The following PIGN variants were observed in gnomAD, a reference collection of about 807,000 sequenced individuals.
The protein encoded by PIGN is phosphatidylinositol glycan anchor biosynthesis class N, also known as GPI ethanolamine phosphate transferase 1.
In PIGN, 117 loss-of-function variants were observed where a neutral mutation model predicts 125.4. That is an observed-to-expected ratio of 0.93 (90% CI 0.80 to 1.09). The LOEUF is 1.09. Ranked by LOEUF, PIGN falls within the 50% of genes least tolerant of loss-of-function variation. The pLI, the probability that PIGN is intolerant of heterozygous loss-of-function variation, is 0.00. For synonymous variants in PIGN, 392 were observed against 377.8 expected (o/e 1.04, Z -0.44); for missense variants, 1,075 against 1,094.9 (o/e 0.98, Z 0.26).
At chr18:62,037,773 A>G (rs952077799), downstream of PIGN, among the ~76,000 whole-genome samples, 2 of 152,116 alleles carry the variant, frequency 1.3e-5, no homozygotes, top group Non-Finnish European at 2.9e-5. Flanking sequence ...GAAAAACCAA[A>G]CTTGAGTAGA....
chr18:62,082,609 G>A (rs962406751), intron 28 of PIGN, 64 bp downstream of exon 28: 12 of 847,268 alleles, frequency 1.4e-5, no homozygotes, highest in Admixed American at 6.6e-5. Context: ...AAATGTCTTC[G>A]AAAGTTTACT....
intron 14 of PIGN, among the ~76,000 whole-genome samples, chr18:62,130,817 G>A (rs751841236): frequency 8.6e-5 from 13 of 151,936 alleles, no homozygotes; most frequent in Non-Finnish European, 1.9e-4. Context: ...TTCCTTTTTA[G>A]AATGTCTATT....
chr18:62,052,155 G>T (rs1323888350), intron 30 of PIGN: 2 of 151,786 alleles, frequency 1.3e-5, no homozygotes, highest in African/African-American at 2.4e-5. Flanking sequence ...GTGTGGTGTG[G>T]TGCTGAAAAA....
intron 22 of PIGN, among the ~76,000 whole-genome samples, chr18:62,100,214 A>T (rs995849572): frequency 6.6e-6 from 1 of 152,218 alleles, no homozygotes; most frequent in Non-Finnish European, 1.5e-5. Context: ...TATATGAAGA[A>T]ATATTCACTA....
chr18:62,048,766 T>C (rs1334254612), intron 30 of PIGN, among the ~76,000 whole-genome samples: 3 of 150,924 alleles, frequency 2.0e-5, no homozygotes, highest in Non-Finnish European at 4.4e-5. Flanking sequence ...GTTAGTTACA[T>C]ATGTATACAT....
At chr18:62,174,659 G>A (rs2037457558) in intron 1 of PIGN, among the ~76,000 whole-genome samples, 1 of 151,986 alleles carries the variant, frequency 6.6e-6, no homozygotes, top group African/African-American at 2.4e-5. Context: ...TCCAATAGAA[G>A]CTTATATTAT....
Position 62,088,750 on chromosome 18 carries a change from G to C in PIGN, c.2370+6C>G. The C allele has an allele frequency of 6.6e-7, 1 of 1,516,884 alleles. No homozygotes were observed. Among genetic ancestry groups the C allele is most frequent in the Non-Finnish European group, 9.0e-7 (1 of 1,111,490 alleles). The allele number at this position is 1,516,884 out of a possible 1,614,324, so 94.0% of individuals were successfully genotyped here. A position where few individuals can be genotyped will look rare whatever the true frequency, so the allele number is the denominator to read the frequency against. The stretch of plus-strand genomic sequence containing the variant: ...CTCTTTAAACCAAAGTCTCCACAAA[G>C]GATACAAGGAAAAAGGCCCTACGGA... On this transcript the variant is annotated splice_donor_region_variant and intron_variant, in intron 25 of 30. Transcript: ENST00000640252.
intron 1 of PIGN, among the ~76,000 whole-genome samples, chr18:62,166,140 C>T (rs2037126268): frequency 3.9e-5 from 6 of 152,158 alleles, no homozygotes; most frequent in Admixed American, 3.9e-4. Flanking sequence ...ATGGAGAGCA[C>T]AAGTGGAGGA....
chr18:62,103,384 C>T (rs2146359833), intron 20 of PIGN, among the ~76,000 whole-genome samples: 1 of 152,214 alleles, frequency 6.6e-6, no homozygotes, highest in East Asian at 1.9e-4. Context: ...AAAACAGCTC[C>T]CTTCTGTGAC....
At chr18:62,024,318 T>C (rs1023437559) in intron 23 of PIGN, among the ~76,000 whole-genome samples, 4 of 152,150 alleles carry the variant, frequency 2.6e-5, no homozygotes, top group East Asian at 1.9e-4. Flanking sequence ...TCAGTTTCCA[T>C]AGCTGCTGGG....
intron 10 of PIGN, among the ~76,000 whole-genome samples, chr18:62,145,405 A>G (rs1464725951): frequency 6.6e-6 from 1 of 152,158 alleles, no homozygotes; most frequent in African/African-American, 2.4e-5. Flanking sequence ...TGTTGAGTGC[A>G]TTATTCACTG....
At chr18:62,029,608 T>A (rs1050182223) in intron 23 of PIGN, among the ~76,000 whole-genome samples, 2 of 152,118 alleles carry the variant, frequency 1.3e-5, no homozygotes, top group Non-Finnish European at 2.9e-5. Flanking sequence ...TGCTCCAGGA[T>A]ATATTCAGGA....
chr18:62,125,165 CATAT>C (rs2035479412), intron 14 of PIGN, among the ~76,000 whole-genome samples: 1 of 118,200 alleles, frequency 8.5e-6, no homozygotes, highest in Admixed American at 7.9e-5. Flanking sequence ...CATGTTTGTA[CATAT>C]GTGTATATAA....
intron 23 of PIGN, among the ~76,000 whole-genome samples, chr18:62,033,640 C>T (rs146923313): frequency 6.8e-4 from 104 of 152,160 alleles, no homozygotes; most frequent in African/African-American, 2.3e-3. Flanking sequence ...CCCTCAAGCC[C>T]CTTCTCAATT....
chr18:62,127,937 A>G (rs1379233008), intron 14 of PIGN, among the ~76,000 whole-genome samples: 1 of 152,160 alleles, frequency 6.6e-6, no homozygotes, highest in Non-Finnish European at 1.5e-5. Flanking sequence ...TTAAAAATAC[A>G]TGGTGCTATT....
chr18:62,135,296 CA>C (rs1441298687), intron 14 of PIGN, among the ~76,000 whole-genome samples: 1 of 152,036 alleles, frequency 6.6e-6, no homozygotes, highest in East Asian at 1.9e-4. Flanking sequence ...GTCCATTTCT[CA>C]TGTTATCTTA....
chr18:62,179,920 AC>A (rs1215290506), intron 1 of PIGN, among the ~76,000 whole-genome samples: 1 of 152,196 alleles, frequency 6.6e-6, no homozygotes, highest in Non-Finnish European at 1.5e-5. Context: ...AATCAGTACT[AC>A]CAAAAAAGCC....
chr18:62,105,691 G>C lies in PIGN; in HGVS notation c.1768-57C>G, dbSNP rs1284756013. ...AATATGGTATAGAAAACTATCATTAGTGTTTCACAGACTATATGACTGTGA... is the reference window on the plus strand; with the variant it reads ...AATATGGTATAGAAAACTATCATTACTGTTTCACAGACTATATGACTGTGA... On this transcript the variant is annotated intron_variant, in intron 19 of 30. Coordinates refer to ENST00000640252, the MANE Select transcript of PIGN (RefSeq NM_176787.5). The C allele has an allele frequency of 5.1e-6, 5 of 984,900 alleles. No individual in the cohort carries two copies. In the African/African-American group the frequency reaches 8.2e-5, roughly 16 times the overall value. The allele number at this position is 984,900 out of a possible 1,614,324, so 61.0% of individuals were successfully genotyped here.
At chr18:62,162,832 A>T (rs1366653472) in intron 2 of PIGN, among the ~76,000 whole-genome samples, 1 of 152,160 alleles carries the variant, frequency 6.6e-6, no homozygotes, top group African/African-American at 2.4e-5. Flanking sequence ...TAATTTTTTT[A>T]AAAAGTAAAT....
Sources: allele counts gnomAD v4.1 joint callset (sites outside exome capture counted in the v4.1 genomes callset), GRCh38; gene constraint gnomAD v4.1.1; transcripts MANE v1.5; gene names NCBI Gene and HGNC (gene_info 2026-07-23, HGNC 2026-07-21).